The following CCDC66 variants were observed in gnomAD, a reference collection of about 807,000 sequenced individuals.
CCDC66 encodes the protein coiled-coil domain-containing protein 66.
Under a neutral mutation model 128.3 loss-of-function variants are expected in CCDC66, and 133 were observed. The ratio of observed to expected loss-of-function variants is 1.04; its 90% CI spans 0.90 to 1.20. The LOEUF is 1.20. Among genes scored for constraint, CCDC66 ranks in the 50% most tolerant of loss-of-function variants. The pLI is 0.00. For synonymous variants in CCDC66, 387 were observed against 357.0 expected (o/e 1.08, Z -0.95); for missense variants, 1,126 against 1,075.5 (o/e 1.05, Z -0.66).
At position 56,584,777 on chromosome 3, in the gene CCDC66, T is replaced by C. The variant is rs369191158; in HGVS notation, c.937-8193T>C. Among the ~76,000 whole-genome samples the C allele has an allele frequency of 1.3e-5, 2 of 151,830 alleles. 1 individual carries two copies. Among genetic ancestry groups the C allele is most frequent in the East Asian group, 4.0e-4 (2 of 5,042 alleles). On this transcript the variant is annotated intron_variant, in intron 7 of 17. Transcript: ENST00000394672. ...GGAGGTTGTAGCTAGCCGAGATCACTCCACTGCACTCCAGCCTGGGCAACA... is the reference window on the plus strand; with the variant it reads ...GGAGGTTGTAGCTAGCCGAGATCACCCCACTGCACTCCAGCCTGGGCAACA...
intron 10 of CCDC66, among the ~76,000 whole-genome samples, chr3:56,599,950 T>C (rs2072853820): frequency 6.6e-6 from 1 of 152,030 alleles, no homozygotes; most frequent in Non-Finnish European, 1.5e-5. Flanking sequence ...TCTGTTCTTG[T>C]GTTAGTTTGC....
At chr3:56,621,159 C>CAA (rs370427287) in intron 17 of CCDC66, 13,562 of 142,510 alleles carry the variant, frequency 0.095, 1,658 homozygotes, top group African/African-American at 0.3. Flanking sequence ...ACTCCATCTC[C>CAA]AAAAAAAAAC....
intron 10 of CCDC66, among the ~76,000 whole-genome samples, chr3:56,608,832 T>G (rs933187328): frequency 1.3e-5 from 2 of 152,236 alleles, no homozygotes; most frequent in Non-Finnish European, 2.9e-5. Context: ...TCAAAGAATT[T>G]TTAAATTTTC....
intron 7 of CCDC66, among the ~76,000 whole-genome samples, chr3:56,585,849 C>T (rs1230490758): frequency 6.6e-6 from 1 of 151,798 alleles, no homozygotes; most frequent in Non-Finnish European, 1.5e-5. Flanking sequence ...TCTTAAAGAT[C>T]ATTTCTGGAT....
At position 56,621,514 on chromosome 3, in the gene CCDC66, A is replaced by G. The variant is rs1035283637; in HGVS notation, c.2761-18A>G. The G allele has an allele frequency of 9.8e-6, 15 of 1,534,656 alleles. No homozygotes were observed. Among genetic ancestry groups the G allele is most frequent in the South Asian group, 2.4e-5 (2 of 83,960 alleles). On this transcript the variant is annotated intron_variant, in intron 17 of 17. Transcript: ENST00000394672. Reference sequence around the variant, plus strand: ...GTGTGCACATTTTACTAACAAACATATATCAATGTGATTTCAGGGCCTTCT... The same window carrying G: ...GTGTGCACATTTTACTAACAAACATGTATCAATGTGATTTCAGGGCCTTCT...
intron 10 of CCDC66, among the ~76,000 whole-genome samples, chr3:56,608,423 A>C (rs2074358755): frequency 6.6e-6 from 1 of 152,128 alleles, no homozygotes; most frequent in Non-Finnish European, 1.5e-5. Flanking sequence ...AAAGGTGTTC[A>C]TAGTAGCCTT....
At position 56,567,017 on chromosome 3, in the gene CCDC66, T is replaced by C. The variant is rs989613458; in HGVS notation, c.778T>C (p.Leu260=). 6.2e-7 allele frequency: 1 copy of C among 1,614,072 alleles called. No homozygotes were observed. The highest frequency in any genetic ancestry group is 8.5e-7 in the Non-Finnish European group (1 of 1,179,954). ...GGAAAGGGAATGTGATAGAAGTTCG[T>C]TGGAAGCAAAAAAAGCCCAGTGGAG... The part of the protein sequence containing the change: ...LGERECDRSS[L]EAKKAQWRKE... Residue 260 remains leucine (L), a synonymous_variant, in exon 6 of 18, where the codon TTG becomes CTG. Coordinates refer to ENST00000394672, the MANE Select transcript of CCDC66 (RefSeq NM_001141947.3).
At chr3:56,603,573 AT>A (rs1383713487) in intron 10 of CCDC66, among the ~76,000 whole-genome samples, 1 of 152,000 alleles carries the variant, frequency 6.6e-6, no homozygotes, top group Non-Finnish European at 1.5e-5. Flanking sequence ...CAGGTTGGTC[AT>A]TTTCCACGTA....
At chr3:56,572,740 G>A (rs543935151) in intron 7 of CCDC66, 1 of 159,640 alleles carries the variant, frequency 6.3e-6, no homozygotes, top group Admixed American at 6.4e-5. Context: ...GTTAAATTTT[G>A]TGCATGGCTG....
At chr3:56,599,936 G>T (rs1275775821) in intron 10 of CCDC66, among the ~76,000 whole-genome samples, 1 of 152,010 alleles carries the variant, frequency 6.6e-6, no homozygotes, top group Non-Finnish European at 1.5e-5. Flanking sequence ...GCAGTGTTTG[G>T]TTTTCTGTTC....
intron 7 of CCDC66, among the ~76,000 whole-genome samples, chr3:56,577,586 T>G (rs2067601667): frequency 6.6e-6 from 1 of 151,882 alleles, no homozygotes; most frequent in Non-Finnish European, 1.5e-5. Context: ...GAGTTAATTT[T>G]TGTATAAGGT....
intron 7 of CCDC66, 192 bp downstream of exon 7, chr3:56,571,494 G>T: frequency 2.6e-6 from 1 of 384,776 alleles, no homozygotes; most frequent in Non-Finnish European, 4.7e-6. Context: ...CGATTCTCCT[G>T]CCTCAGCCTC....
chr3:56,567,655 G>A (rs2066046068), intron 6 of CCDC66, among the ~76,000 whole-genome samples: 1 of 152,078 alleles, frequency 6.6e-6, no homozygotes, highest in African/African-American at 2.4e-5. Context: ...GGGAGGGGGA[G>A]GAGAGGCAAC....
chr3:56,567,150 GGGAA>G, intron 6 of CCDC66, 97 bp downstream of exon 6: 1 of 802,238 alleles, frequency 1.2e-6, no homozygotes, highest in Non-Finnish European at 2.1e-6. Flanking sequence ...CCAGCACTTT[GGGAA>G]GCCGAGGTGG....
intron 17 of CCDC66, chr3:56,621,159 C>CAAAA (rs370427287): frequency 0.058 from 8,325 of 142,470 alleles, 490 homozygotes; most frequent in East Asian, 0.32. Context: ...ACTCCATCTC[C>CAAAA]AAAAAAAAAC....
chr3:56,562,657 A>T (rs935318307), intron 3 of CCDC66, among the ~76,000 whole-genome samples: 1 of 151,834 alleles, frequency 6.6e-6, no homozygotes, highest in Non-Finnish European at 1.5e-5. Flanking sequence ...TTTGTTTTAG[A>T]GATGAAGTTT....
At position 56,600,255 on chromosome 3, in the gene CCDC66, T is replaced by A. The variant is rs192698578; in HGVS notation, c.1404+6227T>A. On this transcript the variant is annotated intron_variant, in intron 10 of 17. Coordinates refer to ENST00000394672, the MANE Select transcript of CCDC66 (RefSeq NM_001141947.3). ...CCTCTGCCTCCCGGGTTCAAGTGAT[T>A]CTCCTGCCCCACCCTCCCAAGTAGC... Among the ~76,000 whole-genome samples, 33 of 151,402 alleles carry A rather than the reference T, an allele frequency of 2.2e-4. No individual in the cohort carries two copies. In the East Asian group the frequency reaches 6.4e-3, roughly 29 times the overall value.
intron 8 of CCDC66, 47 bp from the exon 9 acceptor site, chr3:56,593,444 G>T: frequency 6.3e-7 from 1 of 1,588,516 alleles, no homozygotes; most frequent in South Asian, 1.1e-5. Context: ...AATTATATAT[G>T]AGAATAATTG....
intron 7 of CCDC66, among the ~76,000 whole-genome samples, chr3:56,590,829 A>C (rs2070754698): frequency 6.6e-6 from 1 of 152,128 alleles, no homozygotes; most frequent in African/African-American, 2.4e-5. Context: ...GGGAAGTCTC[A>C]GGTCAATAAT....
Sources: gnomAD v4.1 joint callset for allele counts (sites outside exome capture counted in the v4.1 genomes callset) on GRCh38, gnomAD v4.1.1 for gene constraint, MANE v1.5 for transcripts, NCBI Gene and HGNC (gene_info 2026-07-23, HGNC 2026-07-21) for gene names.